ATP2C2: variants seen among roughly 807,000 people sequenced by gnomAD.
The protein encoded by ATP2C2 is ATPase secretory pathway Ca2+ transporting 2, also known as calcium-transporting ATPase type 2C member 2.
ATP2C2 carries 171 observed loss-of-function variants against 110.8 expected under a neutral mutation model. The observed-to-expected ratio is 1.54, with a 90% CI of 1.36 to 1.75. The LOEUF is 1.75. ATP2C2 is among the 40% of genes most tolerant of loss of function. The pLI is 0.00. For missense variants in ATP2C2, 1,963 were observed against 1,235.0 expected, an observed-to-expected ratio of 1.59 and a Z score of -8.84; for synonymous variants, 804 against 508.4, an observed-to-expected ratio of 1.58 and a Z score of -7.82.
At chr16:84,434,083 A>G (rs1908526041) in intron 11 of ATP2C2, among the ~76,000 whole-genome samples, 1 of 152,152 alleles carries the variant, frequency 6.6e-6, no homozygotes. Flanking sequence ...AATAAGTAAA[A>G]TGAGAGAATC....
Position 84,459,355 on chromosome 16 carries a change from A to G in ATP2C2, c.2302A>G (p.Asn768Asp). 6.2e-7 allele frequency: 1 copy of G among 1,614,190 alleles called. No individual in the cohort carries two copies. The highest frequency in any genetic ancestry group is 8.5e-7 in the Non-Finnish European group (1 of 1,180,024). Residue 768 changes from asparagine (N) to aspartate (D), a missense_variant, in exon 23 of 27, where the codon AAC becomes GAC. By Grantham distance (23) the Asn-to-Asp change is conservative. Coordinates refer to ENST00000262429, the MANE Select transcript of ATP2C2 (RefSeq NM_014861.4). The stretch of plus-strand genomic sequence containing the variant: ...CAACGCCATGCAGATCCTATGGATC[A>G]ACATCATCATGGATGGGCCACCGGC... ...PLNAMQILWI[N>D]IIMDGPPAQS...
At chr16:84,397,015 A>C (rs900307445) in intron 1 of ATP2C2, among the ~76,000 whole-genome samples, 1 of 151,898 alleles carries the variant, frequency 6.6e-6, no homozygotes, top group Non-Finnish European at 1.5e-5. Context: ...TTACAGCTAA[A>C]GGAGGAAGTT....
chr16:84,438,393 T>G (rs1487235254), intron 11 of ATP2C2, among the ~76,000 whole-genome samples: 5 of 152,132 alleles, frequency 3.3e-5, no homozygotes, highest in African/African-American at 7.2e-5. Context: ...GCCCCGATGT[T>G]GTGGAGTCTC....
intron 6 of ATP2C2, among the ~76,000 whole-genome samples, chr16:84,412,275 T>C (rs535820177): frequency 8.7e-4 from 116 of 132,700 alleles, no homozygotes; most frequent in African/African-American, 2.9e-3. Context: ...TGTATGTGTG[T>C]ACGTGTGTGC....
intron 2 of ATP2C2, among the ~76,000 whole-genome samples, chr16:84,403,146 G>T (rs1168051149): frequency 5.3e-5 from 8 of 151,748 alleles, no homozygotes; most frequent in Non-Finnish European, 1.2e-4. Flanking sequence ...TTTCATTTCT[G>T]TTTGTATTTA....
rs532207633 is a variant in ATP2C2 at position 84,397,926 on chromosome 16, C to A, written c.100-573C>A. The stretch of plus-strand genomic sequence containing the variant: ...GGCACCATTTCCATAAAGTTCAAAC[C>A]CTGGCCAACCTAATCTATGAGGATT... On this transcript the variant is annotated intron_variant, in intron 1 of 26. Coordinates refer to ENST00000262429, the MANE Select transcript of ATP2C2 (RefSeq NM_014861.4). Among the ~76,000 whole-genome samples, 4 of 151,870 alleles carry A rather than the reference C, an allele frequency of 2.6e-5. No homozygotes were observed. The South Asian group carries it at 6.2e-4, about 24-fold the overall frequency.
intron 6 of ATP2C2, among the ~76,000 whole-genome samples, chr16:84,411,892 C>T (rs1035402671): frequency 1.3e-5 from 2 of 152,064 alleles, no homozygotes; most frequent in East Asian, 1.9e-4. Context: ...CTGACAGGCC[C>T]AGGAGGGAAA....
chr16:84,452,144 G>T, intron 18 of ATP2C2, 53 bp downstream of exon 18: 1 of 1,598,104 alleles, frequency 6.3e-7, no homozygotes, highest in Non-Finnish European at 8.5e-7. Context: ...CATCCTTTAC[G>T]ATGGGGGGCT....
chr16:84,384,469 A>G lies in ATP2C2; in HGVS notation c.100-14030A>G, dbSNP rs1338761293. Among the ~76,000 whole-genome samples, 3 of 152,136 alleles carry G rather than the reference A, an allele frequency of 2.0e-5. No individual in the cohort carries two copies. The East Asian group carries it at 5.8e-4, about 29-fold the overall frequency. On this transcript the variant is annotated intron_variant, in intron 1 of 26. Coordinates refer to ENST00000262429, the MANE Select transcript of ATP2C2 (RefSeq NM_014861.4). ...CTTAGTACATGGTATTGGGAGGCCC[A>G]CCCAGCTGTTTGTCTCGTTACTGGT...
chr16:84,401,414 G>T (rs1905313981), intron 2 of ATP2C2, among the ~76,000 whole-genome samples: 2 of 151,878 alleles, frequency 1.3e-5, no homozygotes. Flanking sequence ...TGGTAGAGCT[G>T]GGGTTTTGCC....
chr16:84,437,121 A>C (rs564905257), intron 11 of ATP2C2, among the ~76,000 whole-genome samples: 2 of 152,268 alleles, frequency 1.3e-5, no homozygotes, highest in East Asian at 3.9e-4. Context: ...CATCCATTTA[A>C]AGCATACAAT....
intron 24 of ATP2C2, 60 bp from the exon 25 acceptor site, chr16:84,461,654 G>C (rs1911351463): frequency 4.0e-6 from 6 of 1,482,314 alleles, no homozygotes; most frequent in African/African-American, 1.4e-5. Context: ...TGTGCCCTTT[G>C]GTTCAGGATG....
chr16:84,411,325 T>C (rs1906267330), intron 6 of ATP2C2, among the ~76,000 whole-genome samples: 1 of 152,214 alleles, frequency 6.6e-6, no homozygotes, highest in African/African-American at 2.4e-5. Flanking sequence ...GAGACAAGAC[T>C]AAAATGTCTG....
At chr16:84,430,458 T>G (rs1028980963) in intron 11 of ATP2C2, among the ~76,000 whole-genome samples, 1 of 152,040 alleles carries the variant, frequency 6.6e-6, no homozygotes, top group African/African-American at 2.4e-5. Context: ...TTGGCCAACA[T>G]GGTGAAACCC....
chr16:84,405,329 A>T (rs965606768), intron 3 of ATP2C2, 85 bp downstream of exon 3: 4 of 1,208,326 alleles, frequency 3.3e-6, no homozygotes, highest in Non-Finnish European at 4.7e-6. Flanking sequence ...ATGTTGATGG[A>T]AGGCATCCTT....
At chr16:84,427,651 A>C (rs1907918166) in intron 11 of ATP2C2, among the ~76,000 whole-genome samples, 1 of 152,142 alleles carries the variant, frequency 6.6e-6, no homozygotes, top group African/African-American at 2.4e-5. Context: ...CGGGAGGTGG[A>C]GTTTGCAGTG....
intron 23 of ATP2C2, chr16:84,459,697 A>G (rs1911080760): frequency 3.7e-6 from 4 of 1,071,106 alleles, no homozygotes; most frequent in Non-Finnish European, 5.4e-6. Context: ...GCCTTCAGGA[A>G]GTCTTCCCTG....
chr16:84,383,242 G>A (rs1270988027), intron 1 of ATP2C2, among the ~76,000 whole-genome samples: 4 of 152,224 alleles, frequency 2.6e-5, no homozygotes, highest in Non-Finnish European at 2.9e-5. Flanking sequence ...CCAGCTGTGT[G>A]TCTAGAGGCA....
In ATP2C2 at chr16:84,386,509, G is replaced by C. The variant is rs764054831; in HGVS notation, c.100-11990G>C. ...GCACTGGCCACCACTCTGCCTAGCC[G>C]TCTCCTCTTGGCCCGAATGCACTGG... On this transcript the variant is annotated intron_variant, in intron 1 of 26. Coordinates refer to ENST00000262429, the MANE Select transcript of ATP2C2 (RefSeq NM_014861.4). Among the ~76,000 whole-genome samples, 2 of 152,114 alleles carry C rather than the reference G, an allele frequency of 1.3e-5. 1 individual carries two copies. The highest frequency in any genetic ancestry group is 4.8e-5 in the African/African-American group (2 of 41,412).
Sources: gnomAD v4.1 joint callset for allele counts (sites outside exome capture counted in the v4.1 genomes callset) on GRCh38, gnomAD v4.1.1 for gene constraint, MANE v1.5 for transcripts, NCBI Gene and HGNC (gene_info 2026-07-23, HGNC 2026-07-21) for gene names.